XPO4: variants seen among roughly 807,000 people sequenced by gnomAD.
XPO4 encodes exportin 4, also known as exportin-4.
XPO4 carries 39 observed loss-of-function variants against 143.0 expected under a neutral mutation model. That is an observed-to-expected ratio of 0.27 (90% CI 0.21 to 0.36). XPO4 has a LOEUF of 0.36. Among genes scored for constraint, XPO4 ranks in the 10% least tolerant of loss-of-function variants. The probability of loss-of-function intolerance (pLI) is 1.00; values close to 1 mark genes in which losing one functional copy is unlikely to be tolerated. For synonymous variants in XPO4, 439 were observed against 474.0 expected (o/e 0.93, Z 0.96); for missense variants, 907 against 1,348.0 (o/e 0.67, Z 5.12).
Position 20,842,927 on chromosome 13 carries a change from T to C in XPO4, c.695A>G (p.Gln232Arg). 2 of 1,612,258 alleles carry C rather than the reference T, an allele frequency of 1.2e-6. No individual in the cohort carries two copies. Among genetic ancestry groups the C allele is most frequent in the Non-Finnish European group, 1.7e-6 (2 of 1,178,782 alleles). Residue 232 changes from glutamine to arginine, a missense_variant, in exon 6 of 23, where the codon CAA becomes CGA. Physicochemically the swap from Gln to Arg is conservative, Grantham distance 43. Transcript: ENST00000255305. Reference sequence around the variant, plus strand: ...AGGAAGAAAGTTCCAGCTCAAGACTTGATTGGCGAGTGCAAGGTAACGCTG... The same window carrying C: ...AGGAAGAAAGTTCCAGCTCAAGACTCGATTGGCGAGTGCAAGGTAACGCTG... ...VFQRYLALAN[Q>R]VLSWNFLPPN...
At chr13:20,851,711 C>CAAA (rs11340357) in intron 4 of XPO4, 247 of 781,086 alleles carry the variant, frequency 3.2e-4, no homozygotes, top group African/African-American at 2.7e-3. Context: ...CCCGGTCTCA[C>CAAA]AAAAAAAAAA....
At chr13:20,863,246 G>T in intron 2 of XPO4, 1 of 343,934 alleles carries the variant, frequency 2.9e-6, no homozygotes, top group Non-Finnish European at 4.1e-6. Context: ...TAATAAACTA[G>T]TCATTGAACA....
At chr13:20,869,298 C>T (rs981700614) in intron 1 of XPO4, among the ~76,000 whole-genome samples, 6 of 152,108 alleles carry the variant, frequency 3.9e-5, no homozygotes, top group African/African-American at 1.4e-4. Flanking sequence ...TTAACAAAAA[C>T]AATTTCTAAA....
intron 1 of XPO4, among the ~76,000 whole-genome samples, chr13:20,876,376 T>C (rs1566621549): frequency 6.7e-6 from 1 of 148,608 alleles, no homozygotes; most frequent in Non-Finnish European, 1.5e-5. Flanking sequence ...GAAAAAACAA[T>C]GGAATGGGGA....
At chr13:20,812,704 T>C (rs780116112) in intron 9 of XPO4, among the ~76,000 whole-genome samples, 6 of 152,200 alleles carry the variant, frequency 3.9e-5, no homozygotes, top group Non-Finnish European at 5.9e-5. Context: ...TTACTAATAA[T>C]ATGCCAAAGT....
intron 4 of XPO4, chr13:20,848,833 A>C: frequency 2.0e-6 from 2 of 985,326 alleles, no homozygotes; most frequent in South Asian, 4.7e-5. Context: ...TTAATATGTC[A>C]AACAAGTAGA....
chr13:20,849,656 A>G, intron 4 of XPO4: 1 of 985,008 alleles, frequency 1.0e-6, no homozygotes, highest in African/African-American at 1.7e-5. Flanking sequence ...TTATTTAATA[A>G]TCATACAGGC....
chr13:20,829,426 T>C (rs2059825601), intron 6 of XPO4, among the ~76,000 whole-genome samples: 1 of 152,214 alleles, frequency 6.6e-6, no homozygotes, highest in African/African-American at 2.4e-5. Context: ...TATTTTTAAA[T>C]TATATAGGAT....
intron 16 of XPO4, among the ~76,000 whole-genome samples, chr13:20,798,101 C>T (rs1566563921): frequency 6.6e-6 from 1 of 152,070 alleles, no homozygotes; most frequent in African/African-American, 2.4e-5. Context: ...CAAGATCACA[C>T]CACTGCACTC....
At chr13:20,785,352 C>A (rs1332867038) in intron 22 of XPO4, among the ~76,000 whole-genome samples, 2 of 152,168 alleles carry the variant, frequency 1.3e-5, no homozygotes, top group Non-Finnish European at 2.9e-5. Context: ...CAAGTATAAT[C>A]TCCTATCATT....
chr13:20,893,521 C>T (rs1338689944), intron 1 of XPO4, among the ~76,000 whole-genome samples: 4 of 152,070 alleles, frequency 2.6e-5, no homozygotes, highest in Non-Finnish European at 5.9e-5. Flanking sequence ...GGGAGGATCA[C>T]GAGGTCAGGA....
intron 1 of XPO4, among the ~76,000 whole-genome samples, chr13:20,897,619 CTG>C (rs1355825918): frequency 6.6e-6 from 1 of 152,202 alleles, no homozygotes; most frequent in African/African-American, 2.4e-5. Flanking sequence ...GTCTAACATG[CTG>C]TGTTTCTATA....
Position 20,833,149 on chromosome 13 carries a change from A to T in XPO4, c.728-5970T>A, listed in dbSNP as rs1045057464. Among the ~76,000 whole-genome samples the T allele has an allele frequency of 2.6e-5, 4 of 152,286 alleles. 1 individual carries two copies. Among genetic ancestry groups the T allele is most frequent in the African/African-American group, 9.6e-5 (4 of 41,568 alleles). ...GCCGAACTATATTTATAGTGAACAA[A>T]CATCCGAAAACTGAGCTAATACTTC... is the stretch of plus-strand genomic sequence containing the variant. On this transcript the variant is annotated intron_variant, in intron 6 of 22. Coordinates refer to ENST00000255305, the MANE Select transcript of XPO4 (RefSeq NM_022459.5).
rs1204435752 is a variant in XPO4, at chr13:20,842,962, A to C, written c.660T>G (p.Ser220=). The C allele has an allele frequency of 6.2e-7, 1 of 1,613,586 alleles. No individual in the cohort carries two copies. Among genetic ancestry groups the C allele is most frequent in the Non-Finnish European group, 8.5e-7 (1 of 1,179,612 alleles). Residue 220 remains serine (S), a synonymous_variant, in exon 6 of 23, where the codon TCT becomes TCG. Transcript: ENST00000255305. The stretch of plus-strand genomic sequence containing the variant: ...GTGCAAGGTAACGCTGAAATACTGA[A>C]GACATCTGAGCATTGAGGTTTTCCC... ...SRRENLNAQM[S]SVFQRYLALA...
At position 20,881,308 on chromosome 13, in the gene XPO4, G is replaced by A. The variant is rs186006932; in HGVS notation, c.70-12607C>T. 3.0e-4 allele frequency among the ~76,000 whole-genome samples: 45 copies of A among 151,594 alleles called. No individual in the cohort carries two copies. The East Asian group carries it at 5.6e-3, about 19-fold the overall frequency. On this transcript the variant is annotated intron_variant, in intron 1 of 22. Transcript: ENST00000255305. ...TTTTGAAACAGAGTCTCGCTCTGTC[G>A]CCCAGGCTGGAGTGCAGTGGCAAAA...
chr13:20,899,946 T>C (rs933980292), intron 1 of XPO4, among the ~76,000 whole-genome samples: 1 of 152,184 alleles, frequency 6.6e-6, no homozygotes, highest in Non-Finnish European at 1.5e-5. Flanking sequence ...TTAATTTACC[T>C]CCTTTCTGGT....
rs1213865378 is a variant in XPO4, at chr13:20,780,584, C to T, written c.*3138G>A. The T allele has an allele frequency of 6.6e-6, 1 of 152,116 alleles. No homozygotes were observed. The highest frequency in any genetic ancestry group is 1.5e-5 in the Non-Finnish European group (1 of 68,030). The allele number at this position is 152,116 out of a possible 1,614,324, so 9.4% of individuals were successfully genotyped here. On this transcript the variant is annotated 3_prime_UTR_variant, in exon 23 of 23. Transcript: ENST00000255305. The stretch of plus-strand genomic sequence containing the variant: ...CATGGACAAGTGGTAGTAACCATCC[C>T]ATCTGAACAGAGTAATGTAATATAA...
chr13:20,871,586 T>C (rs2060299212), intron 1 of XPO4, among the ~76,000 whole-genome samples: 1 of 152,350 alleles, frequency 6.6e-6, no homozygotes, highest in Middle Eastern at 3.4e-3. Context: ...ACTGACTCTC[T>C]GTATGGCATA....
chr13:20,847,759 A>G (rs543421894), intron 4 of XPO4, among the ~76,000 whole-genome samples: 1 of 150,714 alleles, frequency 6.6e-6, no homozygotes, highest in East Asian at 1.9e-4. Flanking sequence ...AAAGTTGACT[A>G]ACTAACTAAT....
Sources: allele counts gnomAD v4.1 joint callset (sites outside exome capture counted in the v4.1 genomes callset), GRCh38; gene constraint gnomAD v4.1.1; transcripts MANE v1.5; gene names NCBI Gene and HGNC (gene_info 2026-07-23, HGNC 2026-07-21).